UBE4B: variants seen among roughly 807,000 people sequenced by gnomAD.
The protein encoded by UBE4B is ubiquitin conjugation factor E4 B.
UBE4B carries 27 observed loss-of-function variants against 148.1 expected under a neutral mutation model. The ratio of observed to expected loss-of-function variants is 0.18; its 90% confidence interval spans 0.13 to 0.25. The LOEUF is 0.25. UBE4B is among the 10% of genes least tolerant of loss of function. The probability of loss-of-function intolerance (pLI) is 1.00; values close to 1 mark genes in which losing one functional copy is unlikely to be tolerated. For missense variants in UBE4B, 1,170 were observed against 1,662.4 expected (o/e 0.70, Z 5.15); for synonymous variants, 596 against 619.3 (o/e 0.96, Z 0.56).
intron 1 of UBE4B, among the ~76,000 whole-genome samples, chr1:10,069,936 G>A (rs1347233547): frequency 6.6e-6 from 1 of 152,076 alleles, no homozygotes; most frequent in Admixed American, 6.6e-5. Flanking sequence ...GGTTGAATTT[G>A]AATTAGAAAT....
chr1:10,091,199 T>A (rs1644841937), intron 2 of UBE4B, among the ~76,000 whole-genome samples: 1 of 152,194 alleles, frequency 6.6e-6, no homozygotes, highest in African/African-American at 2.4e-5. Context: ...GTTCATTTTT[T>A]AATTCTTTAA....
At chr1:10,138,684 T>C (rs1366409618) in intron 17 of UBE4B, among the ~76,000 whole-genome samples, 1 of 152,238 alleles carries the variant, frequency 6.6e-6, no homozygotes, top group East Asian at 1.9e-4. Flanking sequence ...TAGTACAATG[T>C]TGAATAGAAA....
intron 1 of UBE4B, among the ~76,000 whole-genome samples, chr1:10,049,601 A>G (rs573089711): frequency 1.3e-5 from 2 of 151,728 alleles, no homozygotes; most frequent in African/African-American, 2.4e-5. Flanking sequence ...AAATTTTTTT[A>G]AATTAGGAAA....
intron 1 of UBE4B, among the ~76,000 whole-genome samples, chr1:10,062,743 G>A (rs1307295007): frequency 6.6e-6 from 1 of 152,136 alleles, no homozygotes; most frequent in African/African-American, 2.4e-5. Flanking sequence ...GATCACCTGA[G>A]GTCAGGAGTT....
intron 25 of UBE4B, among the ~76,000 whole-genome samples, chr1:10,175,628 G>A (rs760321868): frequency 2.6e-4 from 40 of 152,104 alleles, no homozygotes; most frequent in Non-Finnish European, 4.7e-4. Context: ...TCCAGCCTGG[G>A]CGACAGAGCG....
In UBE4B at chr1:10,168,644, G is replaced by A. The variant is rs561103275; in HGVS notation, c.3333+374G>A. On this transcript the variant is annotated intron_variant, in intron 24 of 27. Coordinates refer to ENST00000343090, the MANE Select transcript of UBE4B (RefSeq NM_001105562.3). The surrounding 1 kb of genome is among the most constrained non-coding windows in gnomAD (Gnocchi z 4.9). Reference sequence around the variant, plus strand: ...GCGGTGGCTCACGCCTGTAATCCCAGCACTTTGGGAGCCCAAGGCGGGCAG... The same window carrying A: ...GCGGTGGCTCACGCCTGTAATCCCAACACTTTGGGAGCCCAAGGCGGGCAG... Among the ~76,000 whole-genome samples, 2 of 152,280 alleles carry A rather than the reference G, an allele frequency of 1.3e-5. No individual in the cohort carries two copies. Among genetic ancestry groups the A allele is most frequent in the South Asian group, 2.1e-4 (1 of 4,824 alleles).
At chr1:10,042,087 G>A (rs1643793098) in intron 1 of UBE4B, among the ~76,000 whole-genome samples, 1 of 152,258 alleles carries the variant, frequency 6.6e-6, no homozygotes, top group South Asian at 2.1e-4. Flanking sequence ...GGCGCCCGCC[G>A]CCAGGCCCAG....
At chr1:10,085,436 A>G (rs752749908) in intron 2 of UBE4B, among the ~76,000 whole-genome samples, 5 of 152,174 alleles carry the variant, frequency 3.3e-5, no homozygotes, top group Admixed American at 6.5e-5. Context: ...GACTAGTTCA[A>G]CCCTGACCTG....
rs529138233 is a variant in UBE4B at position 10,078,713 on chromosome 1, C to T, written c.211+6499C>T. The stretch of plus-strand genomic sequence containing the variant: ...CTCTGAAGAGGAGGTCATGATTGCT[C>T]AAGAGTCCCCCAACAGATCCTTTAT... On this transcript the variant is annotated intron_variant, in intron 2 of 27. Transcript: ENST00000343090. 1.4e-3 allele frequency among the ~76,000 whole-genome samples: 214 copies of T among 152,238 alleles called. 1 individual carries two copies. The highest frequency in any genetic ancestry group is 4.7e-3 in the African/African-American group (196 of 41,530).
chr1:10,123,309 T>C (rs774032466), intron 10 of UBE4B, among the ~76,000 whole-genome samples: 7 of 151,020 alleles, frequency 4.6e-5, no homozygotes, highest in Non-Finnish European at 8.8e-5. Flanking sequence ...CGGGTGTCTG[T>C]AATCCCAGCT....
At chr1:10,073,920 ATTTTTTTTTT>A (rs947131085) in intron 2 of UBE4B, among the ~76,000 whole-genome samples, 1 of 74,852 alleles carries the variant, frequency 1.3e-5, no homozygotes, top group Non-Finnish European at 2.5e-5. Context: ...CTTTCTTTCT[ATTTTTTTTTT>A]TTTTTTTTTT....
intron 7 of UBE4B, among the ~76,000 whole-genome samples, chr1:10,116,000 C>A (rs1645301753): frequency 6.6e-6 from 1 of 152,166 alleles, no homozygotes; most frequent in Admixed American, 6.5e-5. Flanking sequence ...GCATGTGTTA[C>A]AAATGTGTTC....
chr1:10,167,470 A>G (rs1407743189), intron 23 of UBE4B, among the ~76,000 whole-genome samples: 2 of 150,422 alleles, frequency 1.3e-5, no homozygotes, highest in Non-Finnish European at 3.0e-5. Context: ...AATAATAATA[A>G]TAATGACTAA....
At position 10,151,560 on chromosome 1, in the gene UBE4B, A is replaced by G; in HGVS notation, c.2925A>G (p.Thr975=). The G allele has an allele frequency of 1.2e-6, 2 of 1,613,048 alleles. No homozygotes were observed. Among genetic ancestry groups the G allele is most frequent in the Non-Finnish European group, 1.7e-6 (2 of 1,179,252 alleles). ...TACCTTCCCTGATGAAGTTTTATAC[A>G]GGTAGGTTGCTGGAACACAGTGTAG... ...LLVPSLMKFY[T]DVEHTGATSE... The change falls in exon 21 of 28, where the codon ACA becomes ACG. Residue 975 remains threonine, a splice_region_variant and synonymous_variant. Coordinates refer to ENST00000343090, the MANE Select transcript of UBE4B (RefSeq NM_001105562.3).
At chr1:10,075,789 T>C (rs972526694) in intron 2 of UBE4B, among the ~76,000 whole-genome samples, 3 of 152,214 alleles carry the variant, frequency 2.0e-5, no homozygotes, top group Non-Finnish European at 4.4e-5. Flanking sequence ...CAGTGGCTCA[T>C]GCCTGTAATC....
rs762775537 is a variant in UBE4B, at chr1:10,102,951, C to G, written c.439C>G (p.Pro147Ala). The G allele has an allele frequency of 9.4e-6, 15 of 1,603,210 alleles. No homozygotes were observed. Among genetic ancestry groups the G allele is most frequent in the African/African-American group, 2.7e-5 (2 of 74,638 alleles). ...REKRSLSDKE[P>A]SSGPEVSEEQ... Reference sequence around the variant, plus strand: ...TGCAAATCTTCTTCTTCACCAGGAGCCTTCCTCGGGCCCTGAAGTGTCTGA... The same window carrying G: ...TGCAAATCTTCTTCTTCACCAGGAGGCTTCCTCGGGCCCTGAAGTGTCTGA... Residue 147 changes from proline (P) to alanine (A), a missense_variant, in exon 5 of 28, where the codon CCT becomes GCT. Transcript: ENST00000343090.
intron 8 of UBE4B, among the ~76,000 whole-genome samples, chr1:10,118,306 A>G (rs949004997): frequency 6.6e-6 from 1 of 152,114 alleles, no homozygotes; most frequent in Non-Finnish European, 1.5e-5. Flanking sequence ...CCTTAGTGGA[A>G]GCGAAATGAG....
At chr1:10,125,746 A>G (rs376448750) in intron 10 of UBE4B, among the ~76,000 whole-genome samples, 2 of 152,234 alleles carry the variant, frequency 1.3e-5, no homozygotes, top group Admixed American at 6.5e-5. Context: ...AGCTAGGCTG[A>G]GTAAATCTTA....
At chr1:10,112,688 A>G (rs1002248564) in intron 7 of UBE4B, among the ~76,000 whole-genome samples, 1 of 152,168 alleles carries the variant, frequency 6.6e-6, no homozygotes, top group Non-Finnish European at 1.5e-5. Flanking sequence ...TCCATAGCAT[A>G]AATTTATGCA....
Sources: allele counts gnomAD v4.1 joint callset (sites outside exome capture counted in the v4.1 genomes callset), GRCh38; gene constraint gnomAD v4.1.1; non-coding constraint Gnocchi (gnomAD v3.1); transcripts MANE v1.5; gene names NCBI Gene and HGNC (gene_info 2026-07-23, HGNC 2026-07-21).